ELN: variants seen among roughly 807,000 people sequenced by gnomAD.
ELN encodes tropoelastin.
In ELN, 65 loss-of-function variants were observed where a neutral mutation model predicts 105.8. The observed-to-expected ratio is 0.61, with a 90% CI of 0.50 to 0.75. The LOEUF (loss-of-function observed/expected upper bound fraction) is 0.75. Ranked by LOEUF, ELN falls within the 30% of genes least tolerant of loss-of-function variation. The pLI, the probability that ELN is intolerant of heterozygous loss-of-function variation, is 0.00. For synonymous variants in ELN, 368 were observed against 389.2 expected, an observed-to-expected ratio of 0.95 and a Z score of 0.64; for missense variants, 882 against 969.4, an observed-to-expected ratio of 0.91 and a Z score of 1.20.
intron 15 of ELN, among the ~76,000 whole-genome samples, chr7:74,051,457 C>T (rs375303044): frequency 1.3e-5 from 2 of 152,328 alleles, no homozygotes; most frequent in South Asian, 2.1e-4. Context: ...AGGGGACCCT[C>T]TGGCCCAGGG....
Position 74,063,148 on chromosome 7 carries a change from C to T in ELN, c.1787-5C>T, listed in dbSNP as rs782485270. 1.6e-5 allele frequency: 25 copies of T among 1,603,576 alleles called. No individual in the cohort carries two copies. Among genetic ancestry groups the T allele is most frequent in the Middle Eastern group, 1.7e-4 (1 of 6,046 alleles). On this transcript the variant is annotated splice_polypyrimidine_tract_variant and splice_region_variant and intron_variant, in intron 26 of 32. Transcript: ENST00000252034. This position sits in a 1 kb window ranked among gnomAD's most constrained non-coding sequence, Gnocchi z 4.1. ...GAACACTCATTTTCCCTCCTCTCCC[C>T]GCAGGAGCAGCAGTGCCTGGGGTCC... is the stretch of plus-strand genomic sequence containing the variant.
At chr7:74,056,767 G>A (rs1218826914) in intron 21 of ELN, 54 bp downstream of exon 21, 21 of 1,611,620 alleles carry the variant, frequency 1.3e-5, no homozygotes, top group Non-Finnish European at 1.8e-5. Flanking sequence ...CGGGGCTCAG[G>A]GTCCAACCTC....
At chr7:74,037,841 G>C in intron 4 of ELN, 102 bp downstream of exon 4, 1 of 1,514,860 alleles carries the variant, frequency 6.6e-7, no homozygotes, top group Non-Finnish European at 9.0e-7. Context: ...AACAGGACAA[G>C]GAAGCCAACG....
chr7:74,048,064 G>A lies in ELN; in HGVS notation c.686-78G>A, dbSNP rs1276878183. 2.7e-5 allele frequency: 43 copies of A among 1,579,152 alleles called. No homozygotes were observed. In the East Asian group the frequency reaches 4.0e-4, roughly 15 times the overall value. ...GCAGACTCAGGACAGCTTGGGCCCCGAGGGCAGAGCAGGGGGAGGGGGAGG... is the reference window on the plus strand; with the variant it reads ...GCAGACTCAGGACAGCTTGGGCCCCAAGGGCAGAGCAGGGGGAGGGGGAGG... On this transcript the variant is annotated intron_variant, in intron 13 of 32. Coordinates refer to ENST00000252034, the MANE Select transcript of ELN (RefSeq NM_000501.4).
intron 14 of ELN, 26 bp from the exon 15 acceptor site, chr7:74,048,477 C>G (rs889760916): frequency 1.9e-6 from 3 of 1,614,024 alleles, no homozygotes; most frequent in Non-Finnish European, 2.5e-6. Context: ...GTTTCAAGGT[C>G]TCTCCCCTCT....
intron 12 of ELN, among the ~76,000 whole-genome samples, chr7:74,047,228 T>C (rs1036251224): frequency 1.3e-5 from 2 of 151,942 alleles, no homozygotes; most frequent in East Asian, 3.9e-4. Context: ...CATGGGAAAG[T>C]CATCTGCAGG....
chr7:74,031,507 T>C (rs1788643307), intron 1 of ELN, among the ~76,000 whole-genome samples: 2 of 152,128 alleles, frequency 1.3e-5, no homozygotes, highest in South Asian at 2.1e-4. Context: ...AATGTGTAAA[T>C]AGATGTGCAA....
Position 74,045,309 on chromosome 7 carries a change from G to C in ELN, c.541+16G>C. ...AAGGCTCCAGGTATGCAGCTGTCTG[G>C]ACAGAGGGCTGATGGCAGGGACTCT... is the stretch of plus-strand genomic sequence containing the variant. On this transcript the variant is annotated intron_variant, in intron 10 of 32. Transcript: ENST00000252034. The C allele has an allele frequency of 1.2e-6, 2 of 1,613,736 alleles. No homozygotes were observed. Among genetic ancestry groups the C allele is most frequent in the South Asian group, 1.1e-5 (1 of 91,074 alleles).
chr7:74,047,604 T>G (rs1044844410), intron 12 of ELN, 71 bp from the exon 13 acceptor site: 2 of 1,595,094 alleles, frequency 1.3e-6, no homozygotes, highest in Admixed American at 3.3e-5. Context: ...GGGGTAGATC[T>G]GTCCACCCAG....
At chr7:74,062,029 A>C (rs1796801234) in intron 26 of ELN, among the ~76,000 whole-genome samples, 1 of 152,200 alleles carries the variant, frequency 6.6e-6, no homozygotes, top group Non-Finnish European at 1.5e-5. Context: ...GAGCCAGCCC[A>C]GAGGACGTGG....
At position 74,065,067 on chromosome 7, in the gene ELN, C is replaced by CT. The variant is rs554989058; in HGVS notation, c.1994-627_1994-626insT. On this transcript the variant is annotated intron_variant, in intron 29 of 32. Transcript: ENST00000252034. ...ACCAGCCTGGACAATGTAGCAAGACCCCCCCCCACCACCACCTCTACGAAA... is the reference window on the plus strand; with the variant it reads ...ACCAGCCTGGACAATGTAGCAAGACCTCCCCCCCACCACCACCTCTACGAAA... Among the ~76,000 whole-genome samples, 28 of 151,282 alleles carry CT rather than the reference C, an allele frequency of 1.9e-4. 1 individual carries two copies. The South Asian group carries it at 5.0e-3, about 27-fold the overall frequency.
intron 8 of ELN, 197 bp from the exon 9 acceptor site, chr7:74,043,682 A>G (rs1251757169): frequency 4.3e-6 from 3 of 693,994 alleles, no homozygotes; most frequent in African/African-American, 3.5e-5. Context: ...ATAAATCCAC[A>G]CACCGAAGAG....
At chr7:74,043,319 C>A (rs1163178885) in intron 8 of ELN, 151 bp downstream of exon 8, 4 of 1,207,576 alleles carry the variant, frequency 3.3e-6, no homozygotes, top group East Asian at 2.5e-5. Context: ...CTGGTGCCTG[C>A]GTCTGTGAAA....
intron 15 of ELN, among the ~76,000 whole-genome samples, chr7:74,049,741 T>C (rs1793485772): frequency 1.5e-5 from 2 of 135,438 alleles, no homozygotes; most frequent in African/African-American, 2.8e-5. Flanking sequence ...TTCTTCCCTC[T>C]ATCCATCCAC....
intron 4 of ELN, 169 bp downstream of exon 4, chr7:74,037,908 C>CT: frequency 1.0e-6 from 1 of 981,212 alleles, no homozygotes; most frequent in South Asian, 1.5e-5. Context: ...ATGAGTAGGC[C>CT]GGGGCCAGGT....
At chr7:74,064,759 C>T (rs1446958892) in intron 29 of ELN, among the ~76,000 whole-genome samples, 3 of 152,156 alleles carry the variant, frequency 2.0e-5, no homozygotes, top group African/African-American at 7.2e-5. Context: ...ATGGTTATGC[C>T]AGTTCTCCAA....
rs1381441815 is a variant in ELN at position 74,069,022 on chromosome 7, C to T, written c.*322C>T. On this transcript the variant is annotated 3_prime_UTR_variant, in exon 33 of 33. Coordinates refer to ENST00000252034, the MANE Select transcript of ELN (RefSeq NM_000501.4). ...TGGTGCTACACGCTGGTGCTCTTAT[C>T]TTCCTGGGGGGAGGGAGGAGGGAAG... The T allele has an allele frequency of 2.2e-6, 1 of 449,972 alleles. No individual in the cohort carries two copies. The highest frequency in any genetic ancestry group is 4.1e-6 in the Non-Finnish European group (1 of 242,646). 27.9% of individuals were successfully genotyped at this position (449,972 alleles called of 1,614,324 possible).
Position 74,043,572 on chromosome 7 carries a change from CAA to C in ELN, c.428-304_428-303del, listed in dbSNP as rs1185930708. ...CTTTAGGAAGTGACTTCAGGTTAAA[CAA>C]AAGACTGCCTGAGTCTACGCAGCAG... On this transcript the variant is annotated intron_variant, in intron 8 of 32. Transcript: ENST00000252034. 3 of 647,422 alleles carry C rather than the reference CAA, an allele frequency of 4.6e-6. No homozygotes were observed. The African/African-American group carries it at 5.4e-5, about 12-fold the overall frequency. The allele number at this position is 647,422 out of a possible 1,614,324, so 40.1% of individuals were successfully genotyped here.
intron 30 of ELN, 99 bp from the exon 31 acceptor site, chr7:74,065,845 A>T: frequency 6.2e-7 from 1 of 1,610,994 alleles, no homozygotes; most frequent in African/African-American, 1.3e-5. Context: ...ACCCCTGAAG[A>T]TCTTGTCTGG....
Sources: gnomAD v4.1 joint callset for allele counts (sites outside exome capture counted in the v4.1 genomes callset) on GRCh38, gnomAD v4.1.1 for gene constraint, Gnocchi (gnomAD v3.1) non-coding constraint, MANE v1.5 for transcripts, NCBI Gene and HGNC (gene_info 2026-07-23, HGNC 2026-07-21) for gene names.